The following ANGPT2 variants were observed in gnomAD, a reference collection of about 807,000 sequenced individuals.
The protein encoded by ANGPT2 is angiopoietin-2.
In ANGPT2, 28 loss-of-function variants were observed where a neutral mutation model predicts 62.9. That is an observed-to-expected ratio of 0.44 (90% confidence interval 0.33 to 0.61). The LOEUF is 0.61. Ranked by LOEUF, ANGPT2 falls within the 20% of genes least tolerant of loss-of-function variation. The probability of loss-of-function intolerance (pLI) is 0.03; values close to 1 mark genes in which losing one functional copy is unlikely to be tolerated. For missense variants in ANGPT2, 727 were observed against 594.9 expected (o/e 1.22, Z -2.31); for synonymous variants, 284 against 207.8 (o/e 1.37, Z -3.15).
At chr8:6,541,029 G>T (rs1177798878) in intron 1 of ANGPT2, among the ~76,000 whole-genome samples, 1 of 126,830 alleles carries the variant, frequency 7.9e-6, no homozygotes. Flanking sequence ...GCTTGCGAGA[G>T]TGCCGAGGAG....
rs1262826149 is a variant in ANGPT2 at position 6,499,859 on chromosome 8, G to A, written c.*3242C>T. ...TTGTTGTGTCACTTGCAGGTGCTAT[G>A]GTCTTTAGAATTGGGTCACTGGATT... On this transcript the variant is annotated 3_prime_UTR_variant, in exon 9 of 9. Coordinates refer to ENST00000629816, the MANE Select transcript of ANGPT2 (RefSeq NM_001118887.2). The A allele has an allele frequency of 6.2e-7, 1 of 1,612,956 alleles. No individual in the cohort carries two copies. Among genetic ancestry groups the A allele is most frequent in the African/African-American group, 1.3e-5 (1 of 74,878 alleles).
At chr8:6,541,707 C>T (rs564194783) in intron 1 of ANGPT2, among the ~76,000 whole-genome samples, 151 of 152,230 alleles carry the variant, frequency 9.9e-4, no homozygotes, top group African/African-American at 3.5e-3. Context: ...CTTTTTAAAA[C>T]TGTACTGAAT....
chr8:6,562,578 T>TTTTTTTTTTTTTTTAA, intron 1 of ANGPT2, 69 bp downstream of exon 1: 91 of 880,158 alleles, frequency 1.0e-4, no homozygotes, highest in Non-Finnish European at 1.3e-4. Flanking sequence ...TTTTGGTTGT[T>TTTTTTTTTTTTTTTAA]AAAACCTGAG....
At chr8:6,536,745 C>G (rs1008233219) in intron 1 of ANGPT2, among the ~76,000 whole-genome samples, 1 of 152,124 alleles carries the variant, frequency 6.6e-6, no homozygotes, top group African/African-American at 2.4e-5. Flanking sequence ...ATAATGAGAA[C>G]AAACCTAGAA....
chr8:6,521,685 G>A (rs1208361583), intron 3 of ANGPT2, among the ~76,000 whole-genome samples: 2 of 152,162 alleles, frequency 1.3e-5, no homozygotes, highest in Non-Finnish European at 2.9e-5. Context: ...CAGGATAGGT[G>A]GGATATGGGT....
intron 1 of ANGPT2, among the ~76,000 whole-genome samples, chr8:6,541,376 G>C (rs901016829): frequency 1.3e-5 from 2 of 152,170 alleles, no homozygotes; most frequent in Non-Finnish European, 2.9e-5. Flanking sequence ...AGGGGAGCTT[G>C]TATTTATAGC....
At position 6,517,044 on chromosome 8, in the gene ANGPT2, T is replaced by C. The variant is rs1816394460; in HGVS notation, c.928-2266A>G. Among the ~76,000 whole-genome samples the C allele has an allele frequency of 2.0e-5, 3 of 152,182 alleles. No individual in the cohort carries two copies. In the South Asian group the frequency reaches 6.2e-4, roughly 32 times the overall value. On this transcript the variant is annotated intron_variant, in intron 5 of 8. Coordinates refer to ENST00000629816, the MANE Select transcript of ANGPT2 (RefSeq NM_001118887.2). Reference sequence around the variant, plus strand: ...CAGAGGATTTGTAAAAACTGGAGTATTATGGTTAATTGGACTATAAAACTT... The same window carrying C: ...CAGAGGATTTGTAAAAACTGGAGTACTATGGTTAATTGGACTATAAAACTT...
At position 6,500,177 on chromosome 8, in the gene ANGPT2, A is replaced by T. The variant is rs181729553; in HGVS notation, c.*2924T>A. ...AAAATTTGACGATTAACATCCTCAG[A>T]ACTGAGAAAAACAAAAATGAAAAAA... On this transcript the variant is annotated 3_prime_UTR_variant, in exon 9 of 9. Transcript: ENST00000629816. The T allele has an allele frequency of 2.9e-5, 14 of 487,154 alleles. No individual in the cohort carries two copies. The East Asian group carries it at 5.3e-4, about 19-fold the overall frequency. 30.2% of individuals were successfully genotyped at this position (487,154 alleles called of 1,614,324 possible).
intron 5 of ANGPT2, among the ~76,000 whole-genome samples, chr8:6,516,475 C>T (rs2515429): frequency 0.06 from 9,198 of 152,182 alleles, 310 homozygotes; most frequent in African/African-American, 0.079. Context: ...CTGCCAAAAA[C>T]AGAGAAACCT....
At chr8:6,545,585 AT>A (rs1822441997) in intron 1 of ANGPT2, among the ~76,000 whole-genome samples, 1 of 152,236 alleles carries the variant, frequency 6.6e-6, no homozygotes, top group South Asian at 2.1e-4. Flanking sequence ...GTTAAAATGT[AT>A]ATTCGTAATC....
intron 1 of ANGPT2, among the ~76,000 whole-genome samples, chr8:6,550,066 G>T (rs1479866938): frequency 6.6e-6 from 1 of 152,172 alleles, no homozygotes; most frequent in Non-Finnish European, 1.5e-5. Flanking sequence ...CACTGATGTT[G>T]CCCACCCTTT....
At chr8:6,558,745 A>G (rs1825048121) in intron 1 of ANGPT2, among the ~76,000 whole-genome samples, 1 of 152,138 alleles carries the variant, frequency 6.6e-6, no homozygotes, top group Non-Finnish European at 1.5e-5. Flanking sequence ...TGATATCTAA[A>G]TAGTTAATCC....
intron 1 of ANGPT2, among the ~76,000 whole-genome samples, chr8:6,539,410 G>T (rs1435607037): frequency 6.6e-6 from 1 of 152,162 alleles, no homozygotes; most frequent in Non-Finnish European, 1.5e-5. Context: ...AAGGCCGAGG[G>T]AGGGAAGCCT....
At chr8:6,525,321 C>T (rs1263023188) in intron 3 of ANGPT2, among the ~76,000 whole-genome samples, 1 of 152,172 alleles carries the variant, frequency 6.6e-6, no homozygotes, top group African/African-American at 2.4e-5. Flanking sequence ...TATCAAACTC[C>T]TAGGTTCAAG....
chr8:6,526,063 G>C (rs62496862), intron 3 of ANGPT2, among the ~76,000 whole-genome samples: 124 of 152,110 alleles, frequency 8.2e-4, no homozygotes, highest in Middle Eastern at 3.4e-3. Flanking sequence ...GTAATCTCCA[G>C]CTCCCATGTG....
intron 7 of ANGPT2, among the ~76,000 whole-genome samples, chr8:6,513,335 C>CTTTT (rs1189719867): frequency 1.4e-5 from 2 of 143,228 alleles, no homozygotes; most frequent in East Asian, 2.1e-4. Flanking sequence ...TTTTCTTTTT[C>CTTTT]TTTTTTTTTT....
chr8:6,521,762 A>C (rs969695729), intron 3 of ANGPT2, among the ~76,000 whole-genome samples: 41 of 152,186 alleles, frequency 2.7e-4, no homozygotes, highest in African/African-American at 9.7e-4. Context: ...AGTGCTCATG[A>C]AGTGCTTTTT....
At position 6,509,152 on chromosome 8, in the gene ANGPT2, C is replaced by T. The variant is rs1027535928; in HGVS notation, c.1197-90G>A. ...TTTTGTGATGAAGAATTCCATTCTA[C>T]AGAAGCGTGTTCTGTACTCGTTAAT... On this transcript the variant is annotated intron_variant, in intron 7 of 8. Coordinates refer to ENST00000629816, the MANE Select transcript of ANGPT2 (RefSeq NM_001118887.2). 7.3e-6 allele frequency: 11 copies of T among 1,516,306 alleles called. No homozygotes were observed. In the African/African-American group the frequency reaches 1.1e-4, roughly 15 times the overall value. The allele number at this position is 1,516,306 out of a possible 1,614,324, so 93.9% of individuals were successfully genotyped here. A position where few individuals can be genotyped will look rare whatever the true frequency, so the allele number is the denominator to read the frequency against.
chr8:6,514,406 C>G (rs3020218), intron 6 of ANGPT2, among the ~76,000 whole-genome samples: 55,167 of 151,988 alleles, frequency 0.36, 10,220 homozygotes, highest in Middle Eastern at 0.49. Context: ...GCCAACTGGT[C>G]TCAAACTCCT....
Sources: gnomAD v4.1 joint callset for allele counts (sites outside exome capture counted in the v4.1 genomes callset) on GRCh38, gnomAD v4.1.1 for gene constraint, MANE v1.5 for transcripts, NCBI Gene and HGNC (gene_info 2026-07-23, HGNC 2026-07-21) for gene names.